The following PC variants were observed in gnomAD, a reference collection of about 807,000 sequenced individuals.
PC encodes the protein pyruvate carboxylase, mitochondrial.
In PC, 46 loss-of-function variants were observed where a neutral mutation model predicts 107.8. The ratio of observed to expected loss-of-function variants is 0.43; its 90% CI spans 0.34 to 0.55. The LOEUF is 0.55. Among genes scored for constraint, PC ranks in the 20% least tolerant of loss-of-function variants. The pLI, the probability that PC is intolerant of heterozygous loss-of-function variation, is 0.04. For missense variants in PC, 1,241 were observed against 1,643.1 expected, an observed-to-expected ratio of 0.76 and a Z score of 4.23; for synonymous variants, 662 against 684.7, an observed-to-expected ratio of 0.97 and a Z score of 0.52.
At chr11:66,907,065 G>C (rs978063344) in intron 3 of PC, among the ~76,000 whole-genome samples, 31 of 152,216 alleles carry the variant, frequency 2.0e-4, no homozygotes, top group African/African-American at 7.5e-4. Flanking sequence ...CACACGAAGG[G>C]CCGGCTGGTG....
At chr11:66,888,698 A>G (rs78682138) in intron 3 of PC, among the ~76,000 whole-genome samples, 4,192 of 152,366 alleles carry the variant, frequency 0.028, 88 homozygotes, top group African/African-American at 0.046. Context: ...GGGGATGAAC[A>G]TCAACTCCAG....
chr11:66,853,410 G>A, intron 12 of PC, 27 bp from the exon 13 acceptor site: 1 of 1,613,038 alleles, frequency 6.2e-7, no homozygotes, highest in Non-Finnish European at 8.5e-7. Flanking sequence ...GGTGGGAGGG[G>A]GTCACCATGC....
chr11:66,903,054 G>C (rs1948018816), intron 3 of PC, among the ~76,000 whole-genome samples: 1 of 152,210 alleles, frequency 6.6e-6, no homozygotes, highest in African/African-American at 2.4e-5. Context: ...TAGCAGGGGG[G>C]TGTTCATCCG....
rs760570067 is a variant in PC, at chr11:66,858,924, C to G, written c.1368+4850G>C. The G allele has an allele frequency of 1.3e-6, 2 of 1,570,784 alleles. No individual in the cohort carries two copies. The highest frequency in any genetic ancestry group is 1.7e-6 in the Non-Finnish European group (2 of 1,156,470). On this transcript the variant is annotated intron_variant, in intron 12 of 22. Transcript: ENST00000393960. This position sits in a 1 kb window ranked among gnomAD's most constrained non-coding sequence, Gnocchi z 5.9. ...GCCCTCGGACATCGCCGCCTCCGCTCGCACTGCTGCCGAGGGTGAGGGGAC... is the reference window on the plus strand; with the variant it reads ...GCCCTCGGACATCGCCGCCTCCGCTGGCACTGCTGCCGAGGGTGAGGGGAC...
intron 3 of PC, among the ~76,000 whole-genome samples, chr11:66,885,107 G>A (rs965922814): frequency 6.6e-6 from 1 of 152,198 alleles, no homozygotes; most frequent in African/African-American, 2.4e-5. Context: ...CAGGACAAGC[G>A]GGTGTCACCC....
chr11:66,859,173 AC>A (rs1007082432), intron 12 of PC: 1 of 1,410,814 alleles, frequency 7.1e-7, no homozygotes, highest in African/African-American at 1.5e-5. Flanking sequence ...CTTTGCTTCC[AC>A]CCCTCCTCTC....
In PC at chr11:66,848,922, C is replaced by A; in HGVS notation, c.3514G>T (p.Asp1172Tyr). 1.2e-6 allele frequency: 2 copies of A among 1,613,882 alleles called. No homozygotes were observed. Among genetic ancestry groups the A allele is most frequent in the South Asian group, 1.1e-5 (1 of 91,066 alleles). Residue 1172 changes from aspartate (D) to tyrosine (Y), a missense_variant, in exon 23 of 23, where the codon GAC becomes TAC. This residue lies in a region of PC where 98 missense variants were observed against 91.2 expected (regional missense o/e 1.07). Coordinates refer to ENST00000393960, the MANE Select transcript of PC (RefSeq NM_001040716.2). The stretch of plus-strand genomic sequence containing the variant: ...GATCACTCGATCTCCAGGATGAGGT[C>A]GTCACCTTCCAGTGTCATGTCCTTG... ...VTKDMTLEGD[D>Y]LILEIE
In PC at chr11:66,871,260, G is replaced by C; in HGVS notation, c.487+55C>G. 1 of 1,614,004 alleles carries C rather than the reference G, an allele frequency of 6.2e-7. No individual in the cohort carries two copies. Among genetic ancestry groups the C allele is most frequent in the Non-Finnish European group, 8.5e-7 (1 of 1,179,950 alleles). ...GCGGGAATCCCTGCCACCCCTCCCT[G>C]CTGGACCCTCTCCAGGAGCTGCGGG... On this transcript the variant is annotated intron_variant, in intron 6 of 22. Transcript: ENST00000393960. The surrounding 1 kb of genome is among the most constrained non-coding windows in gnomAD (Gnocchi z 7.4).
chr11:66,861,318 G>A (rs1189092735), intron 12 of PC, among the ~76,000 whole-genome samples: 5 of 152,198 alleles, frequency 3.3e-5, no homozygotes, highest in Non-Finnish European at 7.4e-5. Flanking sequence ...AGAGGGTCAA[G>A]CTCCCCCAGG....
chr11:66,862,361 G>C (rs535016543), intron 12 of PC, among the ~76,000 whole-genome samples: 28 of 152,344 alleles, frequency 1.8e-4, no homozygotes, highest in Admixed American at 1.2e-3. Context: ...GCCTCCAGGG[G>C]CTCTTGCGAC....
Position 66,903,777 on chromosome 11 carries a change from T to A in PC, c.1-31618A>T, listed in dbSNP as rs868082221. 3.3e-3 allele frequency among the ~76,000 whole-genome samples: 387 copies of A among 117,740 alleles called. 5 individuals are homozygous for A. The highest frequency in any genetic ancestry group is 9.6e-3 in the East Asian group (40 of 4,164). The allele number at this position is 117,740 out of a possible 152,430, so 77.2% of individuals were successfully genotyped here. ...GAAAAAAAAAAAAAAAAAAAAAATA[T>A]ATATATATATATATACACACACCCA... On this transcript the variant is annotated intron_variant, in intron 3 of 22. Coordinates refer to ENST00000393960, the MANE Select transcript of PC (RefSeq NM_001040716.2).
chr11:66,852,898 G>A lies in PC; in HGVS notation c.1514-62C>T. On this transcript the variant is annotated intron_variant, in intron 13 of 22. Coordinates refer to ENST00000393960, the MANE Select transcript of PC (RefSeq NM_001040716.2). The surrounding 1 kb of genome is among the most constrained non-coding windows in gnomAD (Gnocchi z 4.7). ...GGCAGAGGCTGAGTCGAGGGCAGCA[G>A]TGAGAGTGGCTGGGCTCAGGGACAG... The A allele has an allele frequency of 1.6e-6, 2 of 1,255,124 alleles. No homozygotes were observed. The highest frequency in any genetic ancestry group is 2.2e-5 in the Admixed American group (1 of 46,334). The allele number at this position is 1,255,124 out of a possible 1,614,324, so 77.7% of individuals were successfully genotyped here. A position where few individuals can be genotyped will look rare whatever the true frequency, so the allele number is the denominator to read the frequency against.
intron 3 of PC, among the ~76,000 whole-genome samples, chr11:66,881,963 A>G (rs1211635907): frequency 6.6e-6 from 1 of 152,046 alleles, no homozygotes; most frequent in Admixed American, 6.6e-5. Context: ...CCAAAATACC[A>G]AAACCAAAAA....
At position 66,916,782 on chromosome 11, in the gene PC, G is replaced by A. The variant is rs369588714; in HGVS notation, c.-1+35648C>T. On this transcript the variant is annotated intron_variant, in intron 3 of 22. Coordinates refer to ENST00000393960, the MANE Select transcript of PC (RefSeq NM_001040716.2). ...ATCCTGGCTAACACGGTGAAACCCC[G>A]TCTCTACTAAAAATACAAAAAATTA... is the stretch of plus-strand genomic sequence containing the variant. Among the ~76,000 whole-genome samples the A allele has an allele frequency of 9.2e-5, 14 of 151,890 alleles. No homozygotes were observed. The South Asian group carries it at 2.3e-3, about 25-fold the overall frequency.
At chr11:66,878,360 A>G (rs2135971725) in intron 3 of PC, among the ~76,000 whole-genome samples, 1 of 152,264 alleles carries the variant, frequency 6.6e-6, no homozygotes, top group South Asian at 2.1e-4. Flanking sequence ...TCCCCTGTCC[A>G]CACCACACTC....
chr11:66,900,958 C>G (rs985042854), intron 3 of PC, among the ~76,000 whole-genome samples: 4 of 152,166 alleles, frequency 2.6e-5, no homozygotes, highest in Non-Finnish European at 5.9e-5. Context: ...CCTTTCCAAT[C>G]TGGATGTTCT....
rs1487772807 is a variant in PC, at chr11:66,849,989, T to G, written c.2846A>C (p.Gln949Pro). 6.2e-7 allele frequency: 1 copy of G among 1,613,708 alleles called. No individual in the cohort carries two copies. The highest frequency in any genetic ancestry group is 2.2e-5 in the East Asian group (1 of 44,878). Residue 949 changes from glutamine to proline, a missense_variant, in exon 20 of 23, where the codon CAG becomes CCG. Around this residue, in one of 2 missense-constraint regions of PC, gnomAD observed 1,143 missense variants for 1,551.9 expected, o/e 0.74. Transcript: ENST00000393960. ...SFPRSVVEFL[Q>P]GYIGVPHGGF... ...CCCATGGGGGACACCGATGTAGCCC[T>G]GCAGGAACTCCACCACGGAGCGGGG...
chr11:66,868,507 C>T (rs901173833), intron 10 of PC, among the ~76,000 whole-genome samples: 3 of 152,202 alleles, frequency 2.0e-5, no homozygotes, highest in Admixed American at 6.5e-5. Flanking sequence ...TGGGTTCCAG[C>T]GCCAGCTGTG....
At position 66,850,747 on chromosome 11, in the gene PC, G is replaced by A; in HGVS notation, c.2400C>T (p.Ser800=). 1 of 1,611,482 alleles carries A rather than the reference G, an allele frequency of 6.2e-7. No individual in the cohort carries two copies. Among genetic ancestry groups the A allele is most frequent in the Non-Finnish European group, 8.5e-7 (1 of 1,179,934 alleles). Reference sequence around the variant, plus strand: ...TGGGCTGTGAAGTCATCCCAGACATGGAATCAGCTGCCACATCCACCACAT... The same window carrying A: ...TGGGCTGTGAAGTCATCCCAGACATAGAATCAGCTGCCACATCCACCACAT... ...GADVVDVAAD[S]MSGMTSQPSM... is the part of the protein sequence containing the mutation. The change falls in exon 18 of 23, where the codon TCC becomes TCT. Residue 800 remains serine, a synonymous_variant. Coordinates refer to ENST00000393960, the MANE Select transcript of PC (RefSeq NM_001040716.2).
Sources: allele counts gnomAD v4.1 joint callset (sites outside exome capture counted in the v4.1 genomes callset), GRCh38; gene constraint gnomAD v4.1.1; regional missense constraint gnomAD v4.1.1; non-coding constraint Gnocchi (gnomAD v3.1); transcripts MANE v1.5; gene names NCBI Gene and HGNC (gene_info 2026-07-23, HGNC 2026-07-21).